The following TRAPPC9 variants were observed in gnomAD, a reference collection of about 807,000 sequenced individuals.
TRAPPC9 encodes the protein trafficking protein particle complex subunit 9.
Under a neutral mutation model 124.0 loss-of-function variants are expected in TRAPPC9, and 83 were observed. The ratio of observed to expected loss-of-function variants is 0.67; its 90% CI spans 0.56 to 0.80. The LOEUF is 0.80. Ranked by LOEUF, TRAPPC9 falls within the 30% of genes least tolerant of loss-of-function variation. TRAPPC9 has a pLI of 0.00. For missense variants in TRAPPC9, 1,302 were observed against 1,508.3 expected, an observed-to-expected ratio of 0.86 and a Z score of 2.27; for synonymous variants, 638 against 617.5, an observed-to-expected ratio of 1.03 and a Z score of -0.49.
At position 140,339,963 on chromosome 8, in the gene TRAPPC9, C is replaced by A. The variant is rs1034641583; in HGVS notation, c.1495+20087G>T. Among the ~76,000 whole-genome samples the A allele has an allele frequency of 2.7e-5, 4 of 150,120 alleles. No homozygotes were observed. The South Asian group carries it at 8.6e-4, about 32-fold the overall frequency. ...GTTCAAGTGATTCTCCTGTCTCAGCCTCCCAAGTAGCTGGAATTACAGGCG... is the reference window on the plus strand; with the variant it reads ...GTTCAAGTGATTCTCCTGTCTCAGCATCCCAAGTAGCTGGAATTACAGGCG... On this transcript the variant is annotated intron_variant, in intron 9 of 22. Transcript: ENST00000438773.
chr8:139,908,386 G>C (rs1422743408), intron 20 of TRAPPC9, among the ~76,000 whole-genome samples: 2 of 152,154 alleles, frequency 1.3e-5, no homozygotes, highest in Non-Finnish European at 2.9e-5. Context: ...GATGCCTCCT[G>C]CCTCACATAG....
At chr8:139,822,205 C>A (rs1825300713) in intron 21 of TRAPPC9, among the ~76,000 whole-genome samples, 1 of 152,122 alleles carries the variant, frequency 6.6e-6, no homozygotes, top group Non-Finnish European at 1.5e-5. Context: ...GTCCCTTCCT[C>A]AATCCTGTAT....
intron 19 of TRAPPC9, among the ~76,000 whole-genome samples, chr8:139,983,013 C>T (rs1217075082): frequency 6.6e-6 from 1 of 152,198 alleles, no homozygotes; most frequent in Non-Finnish European, 1.5e-5. Context: ...AATCTACATG[C>T]TGAAATCCTA....
chr8:140,000,538 A>G (rs1195818603), intron 18 of TRAPPC9, among the ~76,000 whole-genome samples: 2 of 152,214 alleles, frequency 1.3e-5, no homozygotes, highest in Non-Finnish European at 2.9e-5. Flanking sequence ...ATTTACAAGA[A>G]AAAAACAAAC....
intron 17 of TRAPPC9, among the ~76,000 whole-genome samples, chr8:140,144,361 G>A (rs2061425420): frequency 6.6e-6 from 1 of 152,178 alleles, no homozygotes; most frequent in Non-Finnish European, 1.5e-5. Flanking sequence ...CATTTTGTAT[G>A]TTTATTGTTT....
chr8:140,335,135 G>T (rs1255038703), intron 9 of TRAPPC9, among the ~76,000 whole-genome samples: 1 of 152,116 alleles, frequency 6.6e-6, no homozygotes, highest in Non-Finnish European at 1.5e-5. Context: ...GACTTTACTA[G>T]ATAGACAAAG....
At chr8:140,089,774 T>G (rs939177706) in intron 17 of TRAPPC9, among the ~76,000 whole-genome samples, 2 of 152,022 alleles carry the variant, frequency 1.3e-5, no homozygotes, top group South Asian at 2.1e-4. Context: ...TTCTGAGTGT[T>G]TGCTTAAAAA....
chr8:140,208,343 T>C (rs2062976616), intron 17 of TRAPPC9, among the ~76,000 whole-genome samples: 1 of 152,088 alleles, frequency 6.6e-6, no homozygotes, highest in African/African-American at 2.4e-5. Context: ...ACAAAAAATG[T>C]CAAAACAAAT....
chr8:140,063,278 T>G lies in TRAPPC9; in HGVS notation c.2557-39199A>C, dbSNP rs538386868. Among the ~76,000 whole-genome samples, 1 of 152,162 alleles carries G rather than the reference T, an allele frequency of 6.6e-6. No individual in the cohort carries two copies. The highest frequency in any genetic ancestry group is 6.5e-5 in the Admixed American group (1 of 15,278). On this transcript the variant is annotated intron_variant, in intron 17 of 22. Transcript: ENST00000438773. The surrounding 1 kb of genome is among the most constrained non-coding windows in gnomAD (Gnocchi z 4.3). ...TAAGCATATCACCAACACATTTTGG[T>G]TTTCAGTTACTCCTCTTTGGCCCAC...
intron 21 of TRAPPC9, among the ~76,000 whole-genome samples, chr8:139,860,998 G>A (rs950528545): frequency 3.5e-4 from 54 of 152,372 alleles, no homozygotes; most frequent in Admixed American, 2.1e-3. Flanking sequence ...GGCGCCTACC[G>A]GCTTTCTGGC....
intron 17 of TRAPPC9, among the ~76,000 whole-genome samples, chr8:140,199,082 A>G (rs1315407088): frequency 6.6e-6 from 1 of 152,088 alleles, no homozygotes; most frequent in African/African-American, 2.4e-5. Context: ...GAATTCAGAG[A>G]GAGAGAAGAA....
intron 9 of TRAPPC9, among the ~76,000 whole-genome samples, chr8:140,319,653 A>T (rs186792225): frequency 6.6e-6 from 1 of 151,956 alleles, no homozygotes; most frequent in East Asian, 1.9e-4. Context: ...TTTTCTGTAA[A>T]GATGGGTTTT....
intron 21 of TRAPPC9, among the ~76,000 whole-genome samples, chr8:139,743,458 T>C (rs765702236): frequency 1.3e-5 from 2 of 152,152 alleles, no homozygotes; most frequent in African/African-American, 4.8e-5. Context: ...GTGAGTCAAG[T>C]TTTTAAGGCT....
chr8:140,272,123 A>ATAGTGATTGTGG (rs796799306), intron 15 of TRAPPC9, among the ~76,000 whole-genome samples: 21 of 141,170 alleles, frequency 1.5e-4, no homozygotes, highest in South Asian at 4.7e-4. Context: ...GGCAATGGTG[A>ATAGTGATTGTGG]TGGTGGCGAT....
At chr8:139,958,251 A>T (rs1274293046) in intron 19 of TRAPPC9, among the ~76,000 whole-genome samples, 1 of 151,892 alleles carries the variant, frequency 6.6e-6, no homozygotes, top group Non-Finnish European at 1.5e-5. Context: ...CTGACAACAC[A>T]CTCACACCTC....
intron 17 of TRAPPC9, among the ~76,000 whole-genome samples, chr8:140,058,998 C>A (rs765914542): frequency 6.6e-6 from 1 of 151,878 alleles, no homozygotes; most frequent in Non-Finnish European, 1.5e-5. Flanking sequence ...GATTTCCATA[C>A]AATAAAACAT....
chr8:140,024,126 C>G, intron 17 of TRAPPC9, 47 bp from the exon 18 acceptor site: 1 of 1,604,668 alleles, frequency 6.2e-7, no homozygotes, highest in Non-Finnish European at 8.5e-7. Context: ...ATTAGTAACT[C>G]TCTAGTTTGA....
chr8:139,894,239 TC>T (rs1830526764), intron 20 of TRAPPC9, among the ~76,000 whole-genome samples: 1 of 152,172 alleles, frequency 6.6e-6, no homozygotes, highest in Non-Finnish European at 1.5e-5. Flanking sequence ...ACCTGTCGAG[TC>T]CCGGCACCAA....
intron 17 of TRAPPC9, among the ~76,000 whole-genome samples, chr8:140,065,380 A>T (rs2129690245): frequency 6.6e-6 from 1 of 152,360 alleles, no homozygotes; most frequent in South Asian, 2.1e-4. Flanking sequence ...TCATTGAGGA[A>T]GATGGCTACA....
Sources: gnomAD v4.1 joint callset for allele counts (sites outside exome capture counted in the v4.1 genomes callset) on GRCh38, gnomAD v4.1.1 for gene constraint, Gnocchi (gnomAD v3.1) non-coding constraint, MANE v1.5 for transcripts, NCBI Gene and HGNC (gene_info 2026-07-23, HGNC 2026-07-21) for gene names.